MYO5A: variants seen among roughly 807,000 people sequenced by gnomAD.
The protein encoded by MYO5A is unconventional myosin-Va.
Under a neutral mutation model 249.7 loss-of-function variants are expected in MYO5A, and 98 were observed. The observed-to-expected ratio is 0.39, with a 90% CI of 0.33 to 0.46. The LOEUF (loss-of-function observed/expected upper bound fraction) is 0.46, where lower values mean the gene tolerates loss of function less well. Ranked by LOEUF, MYO5A falls within the 20% of genes least tolerant of loss-of-function variation. The probability of loss-of-function intolerance (pLI) is 0.98; values close to 1 mark genes in which losing one functional copy is unlikely to be tolerated. For synonymous variants in MYO5A, 778 were observed against 810.6 expected, an observed-to-expected ratio of 0.96 and a Z score of 0.68; for missense variants, 1,696 against 2,308.8, an observed-to-expected ratio of 0.73 and a Z score of 5.44.
At chr15:52,427,194 C>T (rs1480971165) in intron 3 of MYO5A, among the ~76,000 whole-genome samples, 2 of 152,068 alleles carry the variant, frequency 1.3e-5, no homozygotes, top group Non-Finnish European at 2.9e-5. Flanking sequence ...TGTATATTAA[C>T]TTAATGAAGT....
intron 6 of MYO5A, among the ~76,000 whole-genome samples, chr15:52,408,448 C>T (rs2043104269): frequency 8.9e-6 from 1 of 112,542 alleles, no homozygotes; most frequent in African/African-American, 4.2e-5. Context: ...AAACTAAAAT[C>T]ATTTTTTTTT....
chr15:52,424,111 T>C (rs1462970111), intron 4 of MYO5A, among the ~76,000 whole-genome samples: 7 of 152,188 alleles, frequency 4.6e-5, no homozygotes, highest in African/African-American at 1.7e-4. Flanking sequence ...ACTATACAAA[T>C]CAACTACTGG....
At chr15:52,368,334 C>T (rs996233027) in intron 22 of MYO5A, among the ~76,000 whole-genome samples, 1 of 152,154 alleles carries the variant, frequency 6.6e-6, no homozygotes, top group African/African-American at 2.4e-5. Context: ...TGTGGGCTTT[C>T]AGGAGAGGCT....
chr15:52,423,133 A>G (rs1240117254), intron 4 of MYO5A, among the ~76,000 whole-genome samples: 1 of 152,178 alleles, frequency 6.6e-6, no homozygotes, highest in Non-Finnish European at 1.5e-5. Context: ...GTGTTCAATA[A>G]ATCTCTATTA....
rs2037772227 is a variant in MYO5A, at chr15:52,311,452, G to T, written c.*2244C>A. On this transcript the variant is annotated 3_prime_UTR_variant, in exon 42 of 42. Coordinates refer to ENST00000399233, the MANE Select transcript of MYO5A (RefSeq NM_001382347.1). ...CATTGACAACCAGGAAAAACTGGGA[G>T]AATTTGATGCAATTGGTAGTGTTTC... 6.6e-6 allele frequency: 1 copy of T among 152,204 alleles called. No individual in the cohort carries two copies. The highest frequency in any genetic ancestry group is 6.5e-5 in the Admixed American group (1 of 15,284). The allele number at this position is 152,204 out of a possible 1,614,324, so 9.4% of individuals were successfully genotyped here. A position where few individuals can be genotyped will look rare whatever the true frequency, so the allele number is the denominator to read the frequency against.
chr15:52,395,074 A>G (rs903165635), intron 11 of MYO5A, among the ~76,000 whole-genome samples: 1 of 152,220 alleles, frequency 6.6e-6, no homozygotes, highest in Non-Finnish European at 1.5e-5. Flanking sequence ...AATGACAAGT[A>G]GCAATTCCTT....
At chr15:52,350,142 C>G (rs2039868284) in intron 28 of MYO5A, among the ~76,000 whole-genome samples, 1 of 152,134 alleles carries the variant, frequency 6.6e-6, no homozygotes, top group African/African-American at 2.4e-5. Context: ...CTGTGTTAGC[C>G]AGGATGGTCT....
chr15:52,428,706 T>C, intron 2 of MYO5A, 137 bp from the exon 3 acceptor site: 1 of 888,502 alleles, frequency 1.1e-6, no homozygotes, highest in South Asian at 1.4e-5. Context: ...CCTTCCAATA[T>C]CACAGAAACT....
chr15:52,513,248 T>C (rs1467322015), intron 1 of MYO5A, among the ~76,000 whole-genome samples: 1 of 151,542 alleles, frequency 6.6e-6, no homozygotes, highest in African/African-American at 2.4e-5. Context: ...CTGGCCAATA[T>C]GGCAAAACCC....
intron 1 of MYO5A, among the ~76,000 whole-genome samples, chr15:52,469,276 A>G (rs2076410783): frequency 1.3e-5 from 2 of 152,222 alleles, no homozygotes; most frequent in African/African-American, 2.4e-5. Flanking sequence ...CCTCCTATTG[A>G]CCAGAAGTTT....
chr15:52,413,775 C>G (rs1029841745), intron 5 of MYO5A, among the ~76,000 whole-genome samples: 4 of 152,010 alleles, frequency 2.6e-5, no homozygotes, highest in African/African-American at 9.7e-5. Flanking sequence ...AACTCTTTAC[C>G]AAATTTTTCT....
At chr15:52,357,790 T>G (rs1175917860) in intron 25 of MYO5A, among the ~76,000 whole-genome samples, 2 of 152,126 alleles carry the variant, frequency 1.3e-5, no homozygotes, top group African/African-American at 4.8e-5. Context: ...GTTTCTGAGG[T>G]TTTGTTTCGC....
chr15:52,494,903 T>C (rs144321738), intron 1 of MYO5A, among the ~76,000 whole-genome samples: 5 of 152,340 alleles, frequency 3.3e-5, no homozygotes, highest in African/African-American at 9.6e-5. Context: ...AGAACAGCTA[T>C]TGCATAGACT....
intron 1 of MYO5A, among the ~76,000 whole-genome samples, chr15:52,510,769 C>T (rs921834793): frequency 1.2e-4 from 18 of 152,236 alleles, no homozygotes; most frequent in Non-Finnish European, 4.4e-5. Flanking sequence ...AAACTGTCTT[C>T]CATGAAACTG....
intron 1 of MYO5A, among the ~76,000 whole-genome samples, chr15:52,439,364 G>C (rs1446229617): frequency 6.6e-6 from 1 of 152,188 alleles, no homozygotes; most frequent in Admixed American, 6.5e-5. Context: ...CACTACTCTA[G>C]ATCTAGTCCC....
intron 27 of MYO5A, 81 bp downstream of exon 27, chr15:52,353,524 T>G: frequency 8.4e-7 from 1 of 1,186,010 alleles, no homozygotes; most frequent in South Asian, 1.2e-5. Context: ...TTAAGGATGT[T>G]CTCTGAGAAA....
At position 52,445,786 on chromosome 15, in the gene MYO5A, T is replaced by C. The variant is rs576958135; in HGVS notation, c.28-12501A>G. On this transcript the variant is annotated intron_variant, in intron 1 of 41. Transcript: ENST00000399233. ...CTTGGCTACAATGTGGCCCCCGCCC[T>C]AGGGGATCTGTGGAACTGAACTTCA... is the stretch of plus-strand genomic sequence containing the variant. Among the ~76,000 whole-genome samples the C allele has an allele frequency of 2.6e-5, 4 of 152,148 alleles. No homozygotes were observed. In the South Asian group the frequency reaches 8.3e-4, roughly 32 times the overall value.
chr15:52,389,091 A>T, intron 13 of MYO5A, 147 bp downstream of exon 13: 2 of 736,316 alleles, frequency 2.7e-6, no homozygotes, highest in South Asian at 1.9e-5. Flanking sequence ...GGAAGAGAAA[A>T]CCAACATGTC....
chr15:52,521,886 G>A (rs1189052831), intron 1 of MYO5A, among the ~76,000 whole-genome samples: 1 of 152,152 alleles, frequency 6.6e-6, no homozygotes, highest in Non-Finnish European at 1.5e-5. Flanking sequence ...AACCGTTAAA[G>A]GGCAAAATTA....
Sources: allele counts gnomAD v4.1 joint callset (sites outside exome capture counted in the v4.1 genomes callset), GRCh38; gene constraint gnomAD v4.1.1; transcripts MANE v1.5; gene names NCBI Gene and HGNC (gene_info 2026-07-23, HGNC 2026-07-21).